Variants in ARHGAP22 observed in about 807,000 individuals in gnomAD.
The protein encoded by ARHGAP22 is rho GTPase-activating protein 22.
ARHGAP22 carries 48 observed loss-of-function variants against 59.1 expected under a neutral mutation model. That is an observed-to-expected ratio of 0.81 (90% CI 0.64 to 1.03). ARHGAP22 has a LOEUF of 1.03. Ranked by LOEUF, ARHGAP22 falls within the 50% of genes least tolerant of loss-of-function variation. The probability of loss-of-function intolerance (pLI) is 0.00; values close to 1 mark genes in which losing one functional copy is unlikely to be tolerated. For missense variants in ARHGAP22, 1,015 were observed against 958.7 expected (o/e 1.06, Z -0.78); for synonymous variants, 445 against 416.4 (o/e 1.07, Z -0.84).
Position 48,604,903 on chromosome 10 carries a change from C to A in ARHGAP22, c.-107G>T. ...CCCCTCATGTCCTGCTCGTTCGGGG[C>A]CCCGTGGCCGCTGGCGTCACCCGTC... On this transcript the variant is annotated 5_prime_UTR_variant, in exon 1 of 10. Transcript: ENST00000249601. 3 of 1,586,644 alleles carry A rather than the reference C, an allele frequency of 1.9e-6. No individual in the cohort carries two copies. The highest frequency in any genetic ancestry group is 2.6e-6 in the Non-Finnish European group (3 of 1,168,962).
In ARHGAP22 at chr10:48,491,587, C is replaced by T. The variant is rs1418122907; in HGVS notation, c.323-11823G>A. On this transcript the variant is annotated intron_variant, in intron 3 of 9. Transcript: ENST00000249601. ...ATTTTATAGGCAACTCCAGCACAGC[C>T]AGCAGAGCCTGGCATGGAGAGGACA... is the stretch of plus-strand genomic sequence containing the variant. Among the ~76,000 whole-genome samples, 7 of 152,386 alleles carry T rather than the reference C, an allele frequency of 4.6e-5. No individual in the cohort carries two copies. In the East Asian group the frequency reaches 1.3e-3, roughly 29 times the overall value.
chr10:48,473,734 C>T (rs962492374), intron 4 of ARHGAP22, among the ~76,000 whole-genome samples: 6 of 152,172 alleles, frequency 3.9e-5, no homozygotes, highest in Non-Finnish European at 7.4e-5. Flanking sequence ...ACACCTAGAC[C>T]CAAGCCTGTT....
At chr10:48,527,159 C>T (rs555260693) in intron 3 of ARHGAP22, among the ~76,000 whole-genome samples, 82 of 152,308 alleles carry the variant, frequency 5.4e-4, no homozygotes, top group Non-Finnish European at 9.8e-4. Flanking sequence ...TAGTAAGTGG[C>T]AGAGCCAAGA....
At chr10:48,471,873 TC>T (rs1284332588) in intron 4 of ARHGAP22, among the ~76,000 whole-genome samples, 2 of 152,180 alleles carry the variant, frequency 1.3e-5, no homozygotes, top group Non-Finnish European at 2.9e-5. Context: ...TCAAGACATT[TC>T]TCGGCTCAAA....
chr10:48,477,831 T>G (rs1488217343), intron 4 of ARHGAP22, among the ~76,000 whole-genome samples: 1 of 152,096 alleles, frequency 6.6e-6, no homozygotes, highest in Non-Finnish European at 1.5e-5. Flanking sequence ...GCCTTGTCTG[T>G]TTTTGCCTCA....
intron 1 of ARHGAP22, among the ~76,000 whole-genome samples, chr10:48,629,184 G>A (rs1378906559): frequency 2.0e-5 from 3 of 152,162 alleles, no homozygotes; most frequent in Non-Finnish European, 4.4e-5. Context: ...ACCAATGGCT[G>A]GTCATTATGG....
chr10:48,575,117 C>CT (rs2058626803), intron 2 of ARHGAP22: 1 of 152,180 alleles, frequency 6.6e-6, no homozygotes, highest in Non-Finnish European at 1.5e-5. Flanking sequence ...TCTTTTGCTC[C>CT]TGCTCTGGCC....
At chr10:48,563,497 C>T (rs891268355) in intron 2 of ARHGAP22, among the ~76,000 whole-genome samples, 3 of 152,122 alleles carry the variant, frequency 2.0e-5, no homozygotes, top group Admixed American at 6.5e-5. Flanking sequence ...GCCAATCCAG[C>T]ATAATTTCTT....
intron 1 of ARHGAP22, chr10:48,624,033 T>C (rs2061366241): frequency 6.6e-6 from 1 of 152,270 alleles, no homozygotes; most frequent in Admixed American, 6.5e-5. Flanking sequence ...TGGCCACTGA[T>C]GAGCTTGGCT....
Position 48,479,658 on chromosome 10 carries a change from G to A in ARHGAP22, c.429C>T (p.Val143=). ...TACCTCCGCCCAGCGGGGCCCAGAT[G>A]ACTCGGCGGATGGCCTGCACCCAGT... is the stretch of plus-strand genomic sequence containing the variant. ...MEDWVQAIRR[V]IWAPLGGGIF... Residue 143 remains valine, a synonymous_variant, in exon 4 of 10, where the codon GTC becomes GTT. Coordinates refer to ENST00000249601, the MANE Select transcript of ARHGAP22 (RefSeq NM_021226.4). 4 of 1,613,682 alleles carry A rather than the reference G, an allele frequency of 2.5e-6. No individual in the cohort carries two copies. Among genetic ancestry groups the A allele is most frequent in the Non-Finnish European group, 3.4e-6 (4 of 1,179,958 alleles).
At chr10:48,451,638 AC>A in intron 8 of ARHGAP22, 1 of 675,038 alleles carries the variant, frequency 1.5e-6, no homozygotes. Flanking sequence ...ACAATTGCAC[AC>A]ACAATGCACC....
upstream of ARHGAP22, among the ~76,000 whole-genome samples, chr10:48,654,821 T>TTC (rs1565068835): frequency 9.0e-4 from 47 of 51,998 alleles, no homozygotes; most frequent in African/African-American, 2.2e-3. Flanking sequence ...TTTCTTTCTT[T>TTC]CTTTCTTCCT....
At chr10:48,470,623 A>T (rs527549052) in intron 4 of ARHGAP22, among the ~76,000 whole-genome samples, 1 of 152,300 alleles carries the variant, frequency 6.6e-6, no homozygotes, top group Admixed American at 6.5e-5. Context: ...ACTTGAGTAC[A>T]TGGACCCTTA....
intron 1 of ARHGAP22, among the ~76,000 whole-genome samples, chr10:48,641,052 G>A (rs2062023831): frequency 6.6e-6 from 1 of 151,756 alleles, no homozygotes; most frequent in Non-Finnish European, 1.5e-5. Flanking sequence ...AGTAGATTAA[G>A]GTAAAATGCA....
intron 2 of ARHGAP22, among the ~76,000 whole-genome samples, chr10:48,558,946 G>A (rs572249244): frequency 3.3e-5 from 5 of 152,320 alleles, no homozygotes; most frequent in Admixed American, 3.3e-4. Flanking sequence ...TGAGGCTGTC[G>A]TGAGGATTAA....
chr10:48,528,610 G>A (rs2054545794), intron 3 of ARHGAP22, among the ~76,000 whole-genome samples: 1 of 152,176 alleles, frequency 6.6e-6, no homozygotes, highest in African/African-American at 2.4e-5. Flanking sequence ...CCCTGATATG[G>A]TGTAGACGTG....
At chr10:48,575,218 T>G (rs926938578) in intron 2 of ARHGAP22, 16 of 152,220 alleles carry the variant, frequency 1.1e-4, no homozygotes, top group African/African-American at 3.6e-4. Context: ...AGCATCATGC[T>G]TCCTGTACAG....
At chr10:48,652,219 TA>T (rs1037338746) in intron 1 of ARHGAP22, 3 of 1,532,996 alleles carry the variant, frequency 2.0e-6, no homozygotes, top group Non-Finnish European at 2.6e-6. Flanking sequence ...ACATAGAACA[TA>T]AAAAAATTCT....
chr10:48,534,749 A>C (rs1396654385), intron 3 of ARHGAP22, among the ~76,000 whole-genome samples: 11 of 152,198 alleles, frequency 7.2e-5, no homozygotes, highest in Admixed American at 7.2e-4. Flanking sequence ...TCCAAATAGT[A>C]AGCGGAAAAG....
Sources: gnomAD v4.1 joint callset for allele counts (sites outside exome capture counted in the v4.1 genomes callset) on GRCh38, gnomAD v4.1.1 for gene constraint, MANE v1.5 for transcripts, NCBI Gene and HGNC (gene_info 2026-07-23, HGNC 2026-07-21) for gene names.